The following MICU2 variants were observed in gnomAD, a reference collection of about 807,000 sequenced individuals.
MICU2 encodes mitochondrial calcium uptake 2, also known as calcium uptake protein 2, mitochondrial.
Under a neutral mutation model 60.4 loss-of-function variants are expected in MICU2, and 64 were observed. That is an observed-to-expected ratio of 1.06 (90% CI 0.87 to 1.31). MICU2 has a LOEUF of 1.31. Among genes scored for constraint, MICU2 ranks in the 50% most tolerant of loss-of-function variants. The probability of loss-of-function intolerance (pLI) is 0.00; values close to 1 mark genes in which losing one functional copy is unlikely to be tolerated. For missense variants in MICU2, 569 were observed against 531.0 expected, an observed-to-expected ratio of 1.07 and a Z score of -0.70; for synonymous variants, 201 against 175.0, an observed-to-expected ratio of 1.15 and a Z score of -1.17.
chr13:21,576,488 G>T (rs1888230305), intron 1 of MICU2, among the ~76,000 whole-genome samples: 1 of 152,172 alleles, frequency 6.6e-6, no homozygotes, highest in Non-Finnish European at 1.5e-5. Flanking sequence ...ATATGACACA[G>T]TATGAAGCAA....
At chr13:21,559,368 C>T (rs1489225345) in intron 2 of MICU2, among the ~76,000 whole-genome samples, 1 of 152,208 alleles carries the variant, frequency 6.6e-6, no homozygotes, top group East Asian at 1.9e-4. Context: ...ACTGCTACTA[C>T]AAGCATTCTT....
intron 2 of MICU2, among the ~76,000 whole-genome samples, chr13:21,543,435 T>C (rs993440214): frequency 6.6e-6 from 1 of 152,112 alleles, no homozygotes; most frequent in Non-Finnish European, 1.5e-5. Flanking sequence ...CTAAAGTCTC[T>C]ACCAAAAAAC....
intron 2 of MICU2, among the ~76,000 whole-genome samples, chr13:21,558,190 C>A (rs970373102): frequency 1.3e-5 from 2 of 152,132 alleles, no homozygotes; most frequent in African/African-American, 4.8e-5. Flanking sequence ...CTATCGCCCC[C>A]CAGTGTTAAG....
chr13:21,542,504 G>A (rs1887307707), intron 2 of MICU2, among the ~76,000 whole-genome samples: 1 of 151,840 alleles, frequency 6.6e-6, no homozygotes, highest in Admixed American at 6.6e-5. Context: ...AAAAAATTCA[G>A]TCTCATTATT....
At chr13:21,549,501 T>G (rs1238439136) in intron 2 of MICU2, among the ~76,000 whole-genome samples, 1 of 152,202 alleles carries the variant, frequency 6.6e-6, no homozygotes, top group Non-Finnish European at 1.5e-5. Context: ...CTCTGGCACG[T>G]GCACCATAAT....
chr13:21,522,956 A>T (rs986435845), intron 4 of MICU2, among the ~76,000 whole-genome samples: 1 of 152,184 alleles, frequency 6.6e-6, no homozygotes, highest in African/African-American at 2.4e-5. Context: ...TGTGTCTGTG[A>T]GATTAGCATT....
chr13:21,548,655 T>C (rs1280503880), intron 2 of MICU2, among the ~76,000 whole-genome samples: 1 of 152,172 alleles, frequency 6.6e-6, no homozygotes, highest in Non-Finnish European at 1.5e-5. Context: ...AAGAGGACTG[T>C]CTCCAGGTCC....
At chr13:21,546,553 G>A (rs1038940351) in intron 2 of MICU2, among the ~76,000 whole-genome samples, 7 of 152,262 alleles carry the variant, frequency 4.6e-5, no homozygotes, top group African/African-American at 1.7e-4. Flanking sequence ...TCTGAGATGG[G>A]TATGTGTTGC....
chr13:21,502,871 A>G, intron 9 of MICU2, 55 bp downstream of exon 9: 1 of 1,500,610 alleles, frequency 6.7e-7, no homozygotes, highest in Non-Finnish European at 9.1e-7. Flanking sequence ...TTATGTAAAC[A>G]TGTCTAACTT....
intron 1 of MICU2, among the ~76,000 whole-genome samples, chr13:21,577,226 T>C (rs1226419250): frequency 1.3e-5 from 2 of 152,240 alleles, no homozygotes; most frequent in Non-Finnish European, 2.9e-5. Context: ...TTCACTTGAC[T>C]GACTTACATT....
intron 8 of MICU2, among the ~76,000 whole-genome samples, chr13:21,504,261 C>T (rs1411526549): frequency 6.6e-6 from 1 of 152,064 alleles, no homozygotes; most frequent in Non-Finnish European, 1.5e-5. Context: ...ACTGTAATGA[C>T]ATTCAACTGA....
chr13:21,604,110 G>GGCCGCCACCCGCGC lies in MICU2; in HGVS notation c.25_38dup (p.Trp14ArgfsTer69). On this transcript the variant is annotated frameshift_variant, in exon 1 of 12. Transcript: ENST00000382374. LOFTEE classifies it high-confidence loss of function. ...GCCCCCGTCGCAGTTTTCCGCCCCA[G>GGCCGCCACCCGCGC]GCCGCCACCCGCGCGCAGCTACCCG... is the stretch of plus-strand genomic sequence containing the variant. 6.3e-7 allele frequency: 1 copy of GGCCGCCACCCGCGC among 1,583,106 alleles called. No individual in the cohort carries two copies. Among genetic ancestry groups the GGCCGCCACCCGCGC allele is most frequent in the East Asian group, 2.3e-5 (1 of 42,790 alleles).
chr13:21,524,533 A>G (rs529683687), intron 4 of MICU2, among the ~76,000 whole-genome samples: 4 of 152,344 alleles, frequency 2.6e-5, no homozygotes, highest in African/African-American at 9.6e-5. Context: ...ACAAGTTTTC[A>G]AGTGTGTTCA....
chr13:21,549,071 G>A (rs571798500), intron 2 of MICU2, among the ~76,000 whole-genome samples: 70 of 151,606 alleles, frequency 4.6e-4, no homozygotes, highest in African/African-American at 1.5e-3. Flanking sequence ...GACTACAGGC[G>A]CCCGCCACCA....
At chr13:21,513,999 T>C (rs2138153412) in intron 7 of MICU2, among the ~76,000 whole-genome samples, 1 of 152,252 alleles carries the variant, frequency 6.6e-6, no homozygotes, top group East Asian at 1.9e-4. Context: ...TACATACTCC[T>C]GTGCACCACC....
intron 5 of MICU2, 75 bp downstream of exon 5, chr13:21,522,528 C>A: frequency 1.7e-6 from 2 of 1,199,852 alleles, no homozygotes; most frequent in South Asian, 2.9e-5. Flanking sequence ...GACATAAATG[C>A]CAAACTTTTA....
intron 1 of MICU2, chr13:21,603,628 T>A (rs1888877417): frequency 4.9e-6 from 2 of 411,348 alleles, no homozygotes; most frequent in Non-Finnish European, 4.3e-6. Context: ...GAGCCTCGAA[T>A]TAAGACACGC....
intron 7 of MICU2, among the ~76,000 whole-genome samples, chr13:21,514,011 G>A (rs915630515): frequency 1.3e-4 from 20 of 152,066 alleles, no homozygotes; most frequent in Admixed American, 3.9e-4. Context: ...TGCACCACCT[G>A]AAGTTAGGAA....
intron 2 of MICU2, among the ~76,000 whole-genome samples, chr13:21,545,763 A>T (rs764688074): frequency 3.9e-5 from 6 of 152,140 alleles, no homozygotes; most frequent in Non-Finnish European, 8.8e-5. Flanking sequence ...AGGGATAGGA[A>T]GAGATTTGTT....
Sources: allele counts gnomAD v4.1 joint callset (sites outside exome capture counted in the v4.1 genomes callset), GRCh38; gene constraint gnomAD v4.1.1; transcripts MANE v1.5; gene names NCBI Gene and HGNC (gene_info 2026-07-23, HGNC 2026-07-21).